GALNTL6: variants seen among roughly 807,000 people sequenced by gnomAD.
GALNTL6 encodes polypeptide N-acetylgalactosaminyltransferase-like 6.
In GALNTL6, 46 loss-of-function variants were observed where a neutral mutation model predicts 73.7. The ratio of observed to expected loss-of-function variants is 0.62; its 90% CI spans 0.49 to 0.80. GALNTL6 has a LOEUF of 0.80. Among genes scored for constraint, GALNTL6 ranks in the 30% least tolerant of loss-of-function variants. The probability of loss-of-function intolerance (pLI) is 0.00; values close to 1 mark genes in which losing one functional copy is unlikely to be tolerated. For missense variants in GALNTL6, 604 were observed against 755.0 expected (o/e 0.80, Z 2.34); for synonymous variants, 259 against 263.7 (o/e 0.98, Z 0.17).
At chr4:172,189,668 T>C (rs540005221) in intron 2 of GALNTL6, among the ~76,000 whole-genome samples, 78 of 152,326 alleles carry the variant, frequency 5.1e-4, no homozygotes, top group Non-Finnish European at 9.7e-4. Flanking sequence ...TGAATAAACC[T>C]GCCCTTTTAA....
chr4:172,128,874 T>A (rs1733376020), intron 2 of GALNTL6, among the ~76,000 whole-genome samples: 1 of 152,194 alleles, frequency 6.6e-6, no homozygotes, highest in Admixed American at 6.5e-5. Context: ...GCAGGGAAAG[T>A]AATCTTTATG....
intron 5 of GALNTL6, among the ~76,000 whole-genome samples, chr4:172,391,024 G>T (rs1026600433): frequency 2.8e-4 from 42 of 152,158 alleles, no homozygotes; most frequent in African/African-American, 9.4e-4. Flanking sequence ...CATTACTTCA[G>T]TGTTTAAAAA....
At chr4:172,954,363 A>G (rs1034040478) in intron 10 of GALNTL6, among the ~76,000 whole-genome samples, 1 of 152,236 alleles carries the variant, frequency 6.6e-6, no homozygotes, top group African/African-American at 2.4e-5. Context: ...GTGTGTTTAT[A>G]TCTATTACCC....
chr4:171,854,652 T>C (rs1190205339), intron 2 of GALNTL6, among the ~76,000 whole-genome samples: 2 of 152,184 alleles, frequency 1.3e-5, no homozygotes, highest in Non-Finnish European at 2.9e-5. Flanking sequence ...TTCTAGAGGC[T>C]GGGAGGTGGA....
intron 5 of GALNTL6, among the ~76,000 whole-genome samples, chr4:172,630,252 G>C (rs1206536625): frequency 2.6e-5 from 4 of 152,094 alleles, no homozygotes; most frequent in Non-Finnish European, 5.9e-5. Flanking sequence ...AAAGTAAAAA[G>C]TAAAACCTTG....
intron 8 of GALNTL6, among the ~76,000 whole-genome samples, chr4:172,901,230 C>T (rs952330919): frequency 2.6e-5 from 4 of 152,084 alleles, no homozygotes; most frequent in African/African-American, 9.7e-5. Flanking sequence ...GTTCCTGTCC[C>T]TCCCTGTTAG....
At chr4:172,459,353 G>A (rs1184812578) in intron 5 of GALNTL6, among the ~76,000 whole-genome samples, 1 of 152,156 alleles carries the variant, frequency 6.6e-6, no homozygotes, top group African/African-American at 2.4e-5. Context: ...AGTATTGGAT[G>A]TTCTGGCCAG....
intron 2 of GALNTL6, among the ~76,000 whole-genome samples, chr4:172,063,691 T>A (rs1301183252): frequency 6.6e-6 from 1 of 152,150 alleles, no homozygotes; most frequent in African/African-American, 2.4e-5. Flanking sequence ...CATAAAGCCC[T>A]TTAGTGTCTC....
intron 5 of GALNTL6, among the ~76,000 whole-genome samples, chr4:172,501,227 T>C (rs1308238457): frequency 6.6e-6 from 1 of 152,202 alleles, no homozygotes; most frequent in Admixed American, 6.5e-5. Context: ...GTAAAGGGTA[T>C]GTGAAATTTC....
At chr4:172,172,138 A>T (rs953029991) in intron 2 of GALNTL6, among the ~76,000 whole-genome samples, 22 of 152,186 alleles carry the variant, frequency 1.4e-4, no homozygotes, top group Non-Finnish European at 1.5e-5. Flanking sequence ...GGGTGAGGTC[A>T]TGTGGATGGA....
intron 5 of GALNTL6, among the ~76,000 whole-genome samples, chr4:172,383,516 C>G (rs922268204): frequency 6.6e-6 from 1 of 152,238 alleles, no homozygotes; most frequent in South Asian, 2.1e-4. Flanking sequence ...TCAGGATTCT[C>G]TATATACAAG....
At chr4:172,192,647 C>G (rs909165731) in intron 2 of GALNTL6, among the ~76,000 whole-genome samples, 3 of 152,188 alleles carry the variant, frequency 2.0e-5, no homozygotes, top group South Asian at 2.1e-4. Context: ...GGAAACCATA[C>G]TGTTTTCATG....
Position 172,069,607 on chromosome 4 carries a change from A to ATATATATAATATATATAACACATATGTGT in GALNTL6, c.139-160041_139-160040insATATATATAACACATATGTGTTATATATA, listed in dbSNP as rs1731492387. Among the ~76,000 whole-genome samples, 11 of 60,734 alleles carry ATATATATAATATATATAACACATATGTGT rather than the reference A, an allele frequency of 1.8e-4. 3 individuals are homozygous for ATATATATAATATATATAACACATATGTGT. The highest frequency in any genetic ancestry group is 1.5e-3 in the South Asian group (3 of 1,954). 39.8% of individuals were successfully genotyped at this position (60,734 alleles called of 152,430 possible). On this transcript the variant is annotated intron_variant, in intron 2 of 12. Transcript: ENST00000506823. ...ATTATATATATAACACATATATGTT[A>ATATATATAATATATATAACACATATGTGT]TATATATATAACATATATATATATC...
rs551933271 is a variant in GALNTL6, at chr4:172,975,060, C to A, written c.1371+22802C>A. Among the ~76,000 whole-genome samples, 6 of 152,300 alleles carry A rather than the reference C, an allele frequency of 3.9e-5. No individual in the cohort carries two copies. The South Asian group carries it at 1.2e-3, about 32-fold the overall frequency. On this transcript the variant is annotated intron_variant, in intron 10 of 12. Transcript: ENST00000506823. ...CTTCTGGTTGCCCCCACGTGGCAAGCAGGGGATGGGTGTGTGTTTCAACCA... is the reference window on the plus strand; with the variant it reads ...CTTCTGGTTGCCCCCACGTGGCAAGAAGGGGATGGGTGTGTGTTTCAACCA...
intron 2 of GALNTL6, among the ~76,000 whole-genome samples, chr4:172,008,682 G>A (rs1327560426): frequency 6.6e-6 from 1 of 151,988 alleles, no homozygotes; most frequent in East Asian, 1.9e-4. Flanking sequence ...CAGCCTTCAG[G>A]CACGAATGGG....
chr4:173,004,749 C>T (rs112926978), intron 10 of GALNTL6, among the ~76,000 whole-genome samples: 78 of 152,324 alleles, frequency 5.1e-4, no homozygotes, highest in African/African-American at 1.2e-3. Context: ...TCAAGCCTTT[C>T]TTCCATTCAG....
At chr4:172,046,892 T>G (rs1560899259) in intron 2 of GALNTL6, among the ~76,000 whole-genome samples, 1 of 152,170 alleles carries the variant, frequency 6.6e-6, no homozygotes, top group Non-Finnish European at 1.5e-5. Context: ...CCTTTGTCTA[T>G]TTTTGCTTTT....
At chr4:172,357,387 G>A (rs1407421238) in intron 5 of GALNTL6, among the ~76,000 whole-genome samples, 1 of 151,900 alleles carries the variant, frequency 6.6e-6, no homozygotes, top group Non-Finnish European at 1.5e-5. Context: ...CCAAACCAAG[G>A]CACATTTGAG....
chr4:171,819,939 C>G (rs1453643898), intron 2 of GALNTL6, among the ~76,000 whole-genome samples: 2 of 152,050 alleles, frequency 1.3e-5, no homozygotes, highest in Admixed American at 6.6e-5. Flanking sequence ...AACAAAGGTG[C>G]AAGTGTGCAA....
Sources: gnomAD v4.1 joint callset for allele counts (sites outside exome capture counted in the v4.1 genomes callset) on GRCh38, gnomAD v4.1.1 for gene constraint, MANE v1.5 for transcripts, NCBI Gene and HGNC (gene_info 2026-07-23, HGNC 2026-07-21) for gene names.